CFTR: variants seen among roughly 807,000 people sequenced by gnomAD.
The protein encoded by CFTR is CF transmembrane conductance regulator, also known as cystic fibrosis transmembrane conductance regulator.
In CFTR, 181 loss-of-function variants were observed where a neutral mutation model predicts 171.6. The ratio of observed to expected loss-of-function variants is 1.05; its 90% confidence interval spans 0.93 to 1.19. The LOEUF (loss-of-function observed/expected upper bound fraction) is 1.19, where lower values mean the gene tolerates loss of function less well. CFTR is among the 50% of genes most tolerant of loss of function. The pLI, the probability that CFTR is intolerant of heterozygous loss-of-function variation, is 0.00. For missense variants in CFTR, 1,968 were observed against 1,734.7 expected (o/e 1.13, Z -2.39); for synonymous variants, 583 against 608.0 (o/e 0.96, Z 0.60).
At chr7:117,570,965 C>A (rs1791679079) in intron 11 of CFTR, among the ~76,000 whole-genome samples, 1 of 152,124 alleles carries the variant, frequency 6.6e-6, no homozygotes, top group Non-Finnish European at 1.5e-5. Context: ...TTGGGAAAAC[C>A]ACCTATTCTA....
chr7:117,587,074 A>G (rs1029864676), intron 11 of CFTR, among the ~76,000 whole-genome samples: 3 of 152,174 alleles, frequency 2.0e-5, no homozygotes, highest in Non-Finnish European at 4.4e-5. Context: ...TTCTTTTACA[A>G]TGCCTAGAAT....
intron 4 of CFTR, among the ~76,000 whole-genome samples, chr7:117,532,232 G>A (rs1798877137): frequency 6.6e-6 from 1 of 152,002 alleles, no homozygotes; most frequent in Non-Finnish European, 1.5e-5. Flanking sequence ...GATATCATTT[G>A]GAATGTGGAA....
At chr7:117,647,878 G>A (rs1414237548) in intron 23 of CFTR, among the ~76,000 whole-genome samples, 2 of 151,268 alleles carry the variant, frequency 1.3e-5, no homozygotes, top group Non-Finnish European at 2.9e-5. Flanking sequence ...TGTTCACATT[G>A]AACAGATTTT....
intron 22 of CFTR, among the ~76,000 whole-genome samples, chr7:117,634,644 T>A (rs572295316): frequency 2.6e-5 from 4 of 152,230 alleles, no homozygotes; most frequent in South Asian, 2.1e-4. Context: ...TATTCATGAG[T>A]TGTATTTTCA....
rs397508702 is a variant in CFTR, at chr7:117,665,556, C to T, written c.4234C>T (p.Gln1412Ter). 1.2e-6 allele frequency: 2 copies of T among 1,606,104 alleles called. No homozygotes were observed. Among genetic ancestry groups the T allele is most frequent in the Non-Finnish European group, 1.7e-6 (2 of 1,172,884 alleles). ...GATAGAAGCAATGCTGGAATGCCAA[C>T]AATTTTTGGTGAGTCTTTATAACTT... ...HRIEAMLECQ[Q>*]FLVIEENKVR... is the part of the protein sequence containing the mutation. The change falls in exon 26 of 27, where the codon CAA becomes TAA. Residue 1412 changes from glutamine to a stop codon, truncating the protein, a stop_gained. Coordinates refer to ENST00000003084, the MANE Select transcript of CFTR (RefSeq NM_000492.4). LOFTEE classifies it high-confidence loss of function.
chr7:117,487,012 A>C (rs1798086195), intron 1 of CFTR, among the ~76,000 whole-genome samples: 1 of 152,000 alleles, frequency 6.6e-6, no homozygotes, highest in Non-Finnish European at 1.5e-5. Context: ...TAACATCTAT[A>C]TTTGTTGATT....
chr7:117,601,505 A>G (rs779305339), intron 15 of CFTR, among the ~76,000 whole-genome samples: 1 of 152,090 alleles, frequency 6.6e-6, no homozygotes, highest in Admixed American at 6.6e-5. Flanking sequence ...AGTGTTCCCC[A>G]TAAGGTTTTT....
intron 21 of CFTR, among the ~76,000 whole-genome samples, chr7:117,617,663 C>G (rs1792514196): frequency 6.6e-6 from 1 of 151,976 alleles, no homozygotes; most frequent in African/African-American, 2.4e-5. Context: ...TACTGCACCT[C>G]TCCTCATGCA....
At chr7:117,598,400 A>C (rs1370206873) in intron 15 of CFTR, among the ~76,000 whole-genome samples, 1 of 152,192 alleles carries the variant, frequency 6.6e-6, no homozygotes, top group Non-Finnish European at 1.5e-5. Flanking sequence ...TTTGTAAATA[A>C]CTGAGACCCA....
At chr7:117,644,113 C>CA (rs1037575347) in intron 23 of CFTR, among the ~76,000 whole-genome samples, 2 of 150,224 alleles carry the variant, frequency 1.3e-5, no homozygotes, top group South Asian at 2.1e-4. Context: ...ATAAACCAAA[C>CA]AAAAAAAATA....
chr7:117,485,366 C>T (rs1471071363), intron 1 of CFTR, among the ~76,000 whole-genome samples: 2 of 152,114 alleles, frequency 1.3e-5, no homozygotes, highest in East Asian at 3.8e-4. Context: ...CTCTGAGATG[C>T]AATGAGGTCA....
chr7:117,595,205 CT>C, intron 15 of CFTR, 147 bp downstream of exon 15: 1 of 608,422 alleles, frequency 1.6e-6, no homozygotes, highest in Non-Finnish European at 2.9e-6. Context: ...ACATATATCA[CT>C]ATATGTATAT....
chr7:117,599,383 A>G (rs1379348638), intron 15 of CFTR, among the ~76,000 whole-genome samples: 1 of 152,156 alleles, frequency 6.6e-6, no homozygotes, highest in Non-Finnish European at 1.5e-5. Flanking sequence ...TACTTAATTA[A>G]TTAAGTGTTG....
At chr7:117,655,211 A>T in intron 24 of CFTR, among the ~76,000 whole-genome samples, 1 of 152,254 alleles carries the variant, frequency 6.6e-6, no homozygotes, top group African/African-American at 2.4e-5. Context: ...TCCATTTTAA[A>T]GTCATTTCTC....
intron 13 of CFTR, 24 bp from the exon 14 acceptor site, chr7:117,591,910 T>C: frequency 2.8e-6 from 4 of 1,434,442 alleles, no homozygotes; most frequent in Non-Finnish European, 3.8e-6. Context: ...AAAATTGATA[T>C]TTATATGTTT....
intron 1 of CFTR, among the ~76,000 whole-genome samples, chr7:117,481,633 C>A (rs1430826344): frequency 1.3e-5 from 2 of 152,148 alleles, no homozygotes; most frequent in African/African-American, 4.8e-5. Flanking sequence ...AGAGCATACT[C>A]ATTTCTGTTC....
intron 22 of CFTR, among the ~76,000 whole-genome samples, chr7:117,636,830 T>G (rs1792834031): frequency 6.6e-6 from 1 of 152,024 alleles, no homozygotes; most frequent in Admixed American, 6.6e-5. Context: ...TTTTTTTTTT[T>G]TCTTTTTGAG....
intron 20 of CFTR, among the ~76,000 whole-genome samples, chr7:117,612,033 A>ATATATATATATATATATATATGTG (rs1792408108): frequency 1.3e-5 from 1 of 75,312 alleles, no homozygotes; most frequent in African/African-American, 6.0e-5. Flanking sequence ...GTATATATAT[A>ATATATATATATATATATATATGTG]TATATATATA....
chr7:117,501,772 G>GAAACAAAAAAAAAAAAAAAAAAAAAAAAA (rs1798333010), intron 1 of CFTR, among the ~76,000 whole-genome samples: 1 of 73,586 alleles, frequency 1.4e-5, no homozygotes, highest in Non-Finnish European at 2.9e-5. Context: ...AAAAAAAAAA[G>GAAACAAAAAAAAAAAAAAAAAAAAAAAAA]AAACAAAAAA....
Sources: gnomAD v4.1 joint callset for allele counts (sites outside exome capture counted in the v4.1 genomes callset) on GRCh38, gnomAD v4.1.1 for gene constraint, MANE v1.5 for transcripts, NCBI Gene and HGNC (gene_info 2026-07-23, HGNC 2026-07-21) for gene names.